Variants in BLTP3A observed in about 807,000 individuals in gnomAD.
BLTP3A encodes the protein ICBP90 binding protein 1.
chr6:34,802,392 C>T, the BLTP3A span, among the ~76,000 whole-genome samples: 7 of 141,788 alleles, frequency 4.9e-5, no homozygotes, highest in African/African-American at 1.1e-4. Context: ...TTTTTTGAGA[C>T]GGAGTCTTGC....
chr6:34,872,077 G>C, the BLTP3A span: 1 of 896,626 alleles, frequency 1.1e-6, no homozygotes, highest in Non-Finnish European at 1.7e-6. Flanking sequence ...GCTTCTAGAA[G>C]TGCTGACTAG....
At chr6:34,811,087 C>A in the BLTP3A span, among the ~76,000 whole-genome samples, 1 of 152,258 alleles carries the variant, frequency 6.6e-6, no homozygotes, top group East Asian at 1.9e-4. Flanking sequence ...CTTAGACACA[C>A]AAACATAGAC....
At chr6:34,859,809 G>A in the BLTP3A span, among the ~76,000 whole-genome samples, 88 of 152,130 alleles carry the variant, frequency 5.8e-4, 2 homozygotes, top group African/African-American at 1.8e-3. Flanking sequence ...AGGCCTTACC[G>A]TGTTAGCCAG....
At chr6:34,866,653 G>A in the BLTP3A span, among the ~76,000 whole-genome samples, 1 of 152,094 alleles carries the variant, frequency 6.6e-6, no homozygotes, top group African/African-American at 2.4e-5. Context: ...CATTCTGATT[G>A]TTGTACAATC....
chr6:34,836,917 T>C, the BLTP3A span, among the ~76,000 whole-genome samples: 1 of 152,248 alleles, frequency 6.6e-6, no homozygotes, highest in Non-Finnish European at 1.5e-5. Context: ...ATTGCTTTCC[T>C]TTATGAGCCC....
chr6:34,839,446 G>A, the BLTP3A span, among the ~76,000 whole-genome samples: 5 of 152,176 alleles, frequency 3.3e-5, no homozygotes, highest in Non-Finnish European at 7.3e-5. Context: ...CACTAACCAC[G>A]TGTGACTACT....
the BLTP3A span, chr6:34,858,917 A>C: frequency 6.2e-7 from 1 of 1,614,156 alleles, no homozygotes; most frequent in Non-Finnish European, 8.5e-7. Flanking sequence ...CAGCTGACTA[A>C]GGATACAGAG....
the BLTP3A span, among the ~76,000 whole-genome samples, chr6:34,850,058 G>A: frequency 6.6e-6 from 1 of 151,388 alleles, no homozygotes; most frequent in African/African-American, 2.4e-5. Context: ...CAGGAGAATC[G>A]CTTGAACCTG....
the BLTP3A span, among the ~76,000 whole-genome samples, chr6:34,806,505 C>T: frequency 1.3e-5 from 2 of 152,172 alleles, no homozygotes; most frequent in Admixed American, 6.6e-5. Flanking sequence ...TTAACCTAAG[C>T]GTACATGTTG....
the BLTP3A span, among the ~76,000 whole-genome samples, chr6:34,863,758 T>G: frequency 6.6e-5 from 10 of 152,162 alleles, no homozygotes; most frequent in Non-Finnish European, 1.3e-4. Context: ...TGACATTTAA[T>G]GTTGATATGA....
the BLTP3A span, chr6:34,864,243 G>T: frequency 1.3e-6 from 2 of 1,570,816 alleles, no homozygotes; most frequent in South Asian, 2.3e-5. Context: ...GTCCAGAAAG[G>T]GTTCTCTCTG....
chr6:34,864,253 G>A, the BLTP3A span: 1 of 1,541,164 alleles, frequency 6.5e-7, no homozygotes, highest in South Asian at 1.2e-5. Flanking sequence ...GGTTCTCTCT[G>A]CTGCCTGTAT....
chr6:34,835,030 C>T, the BLTP3A span, among the ~76,000 whole-genome samples: 3 of 152,208 alleles, frequency 2.0e-5, no homozygotes, highest in Non-Finnish European at 2.9e-5. Flanking sequence ...AGAATGTTTC[C>T]ACCTTCCTGT....
chr6:34,859,475 C>T, the BLTP3A span: 10 of 1,614,068 alleles, frequency 6.2e-6, no homozygotes, highest in Non-Finnish European at 8.5e-6. Flanking sequence ...ATGGACCTCA[C>T]CAAGGAAGCT....
At chr6:34,865,944 C>T in the BLTP3A span, among the ~76,000 whole-genome samples, 2 of 152,228 alleles carry the variant, frequency 1.3e-5, no homozygotes, top group African/African-American at 2.4e-5. Context: ...GGGGCAGTGG[C>T]TCACGCCTGT....
chr6:34,856,424 A>C, the BLTP3A span: 1 of 1,611,412 alleles, frequency 6.2e-7, no homozygotes, highest in Non-Finnish European at 8.5e-7. Context: ...GTTATGAGGA[A>C]CTGGAAGACT....
the BLTP3A span, among the ~76,000 whole-genome samples, chr6:34,829,275 GC>G: frequency 6.6e-6 from 1 of 152,052 alleles, no homozygotes; most frequent in Non-Finnish European, 1.5e-5. Flanking sequence ...CCCTGCCTTA[GC>G]CCTAGGCAAC....
At chr6:34,826,694 T>G in the BLTP3A span, among the ~76,000 whole-genome samples, 5 of 152,210 alleles carry the variant, frequency 3.3e-5, no homozygotes. Context: ...ATGTTTTTTT[T>G]GTATGTCATA....
chr6:34,811,579 AG>A, the BLTP3A span, among the ~76,000 whole-genome samples: 6 of 152,026 alleles, frequency 3.9e-5, no homozygotes, highest in Non-Finnish European at 8.8e-5. Flanking sequence ...GTTTAAAAAA[AG>A]GCCAGGCACC....
Sources: gnomAD v4.1 joint callset for allele counts (sites outside exome capture counted in the v4.1 genomes callset) on GRCh38, gnomAD v4.1.1 for gene constraint, MANE v1.5 for transcripts, NCBI Gene and HGNC (gene_info 2026-07-23, HGNC 2026-07-21) for gene names.